PRIM2: variants seen among roughly 807,000 people sequenced by gnomAD.
PRIM2 encodes the protein DNA primase subunit 2, also known as DNA primase large subunit.
In PRIM2, 39 loss-of-function variants were observed where a neutral mutation model predicts 67.3. That is an observed-to-expected ratio of 0.58 (90% CI 0.45 to 0.76). PRIM2 has a LOEUF of 0.76. PRIM2 is among the 30% of genes least tolerant of loss of function. The probability of loss-of-function intolerance (pLI) is 0.00; values close to 1 mark genes in which losing one functional copy is unlikely to be tolerated. For synonymous variants in PRIM2, 143 were observed against 198.7 expected, an observed-to-expected ratio of 0.72 and a Z score of 2.36; for missense variants, 398 against 598.7, an observed-to-expected ratio of 0.66 and a Z score of 3.50.
chr6:57,593,364 G>A (rs1179536180), intron 10 of PRIM2, among the ~76,000 whole-genome samples: 12 of 151,530 alleles, frequency 7.9e-5, no homozygotes, highest in East Asian at 3.9e-4. Context: ...GTGCAATGGC[G>A]CAATCTTGGC....
chr6:57,623,401 A>C (rs1281955913), intron 12 of PRIM2, among the ~76,000 whole-genome samples: 1 of 152,176 alleles, frequency 6.6e-6, no homozygotes, highest in Non-Finnish European at 1.5e-5. Context: ...TTGTTAGCTA[A>C]GCCTATTAAT....
At chr6:57,279,694 G>A in the PRIM2 span, among the ~76,000 whole-genome samples, 1 of 152,166 alleles carries the variant, frequency 6.6e-6, no homozygotes, top group African/African-American at 2.4e-5. Context: ...CTATGTGCTA[G>A]CACTGTGCCA....
the PRIM2 span, among the ~76,000 whole-genome samples, chr6:57,285,218 C>G: frequency 3.3e-5 from 5 of 152,290 alleles, no homozygotes; most frequent in Non-Finnish European, 7.4e-5. Context: ...GGTACCATTC[C>G]TTCTGAAACT....
chr6:57,472,600 T>C (rs1374536429), intron 7 of PRIM2, among the ~76,000 whole-genome samples: 1 of 152,182 alleles, frequency 6.6e-6, no homozygotes, highest in African/African-American at 2.4e-5. Context: ...TTTAAATTTT[T>C]CTTGATTTGT....
chr6:57,364,253 A>G (rs1769283407), intron 5 of PRIM2, among the ~76,000 whole-genome samples: 1 of 152,092 alleles, frequency 6.6e-6, no homozygotes, highest in Non-Finnish European at 1.5e-5. Flanking sequence ...TCTTTCACCC[A>G]TGTTGCCTTA....
At chr6:57,348,317 C>T (rs1185911591) in intron 5 of PRIM2, among the ~76,000 whole-genome samples, 2 of 152,018 alleles carry the variant, frequency 1.3e-5, no homozygotes, top group Admixed American at 6.6e-5. Context: ...ATTCAAAGAT[C>T]AGTGTAAATC....
chr6:57,420,751 G>A (rs1771436229), intron 7 of PRIM2, among the ~76,000 whole-genome samples: 1 of 152,190 alleles, frequency 6.6e-6, no homozygotes, highest in Non-Finnish European at 1.5e-5. Context: ...TGAATTGGAG[G>A]AGGAAGGAAA....
chr6:57,619,729 A>G (rs1219851461), intron 12 of PRIM2, among the ~76,000 whole-genome samples: 1 of 152,210 alleles, frequency 6.6e-6, no homozygotes, highest in Non-Finnish European at 1.5e-5. Context: ...AGAAAAAAGA[A>G]TAAGAAAATA....
intron 1 of PRIM2, 148 bp downstream of exon 1, chr6:57,317,849 G>A (rs1767528570): frequency 6.5e-6 from 1 of 152,994 alleles, no homozygotes; most frequent in Non-Finnish European, 1.5e-5. Context: ...AGACACCCAG[G>A]TACCAGGGAG....
chr6:57,387,447 A>G (rs1162595348), intron 7 of PRIM2, among the ~76,000 whole-genome samples: 5 of 152,138 alleles, frequency 3.3e-5, no homozygotes, highest in Admixed American at 2.6e-4. Context: ...GGCCAAAGTA[A>G]TTTGTCTAAG....
the PRIM2 span, among the ~76,000 whole-genome samples, chr6:57,306,458 TG>T: frequency 6.6e-6 from 1 of 152,158 alleles, no homozygotes; most frequent in African/African-American, 2.4e-5. Flanking sequence ...AGAACTTAGG[TG>T]AGGGTGCTGA....
rs143005345 is a variant in PRIM2, at chr6:57,443,602, AT to A, written c.693+61442del. Among the ~76,000 whole-genome samples, 18 of 151,690 alleles carry A rather than the reference AT, an allele frequency of 1.2e-4. 1 individual carries two copies. The highest frequency in any genetic ancestry group is 4.1e-4 in the African/African-American group (17 of 41,344). The stretch of plus-strand genomic sequence containing the variant: ...GGTCCCTTGCCCATTTTTAAACTGG[AT>A]TTTTTTTGGTTTGTTTTCTTGCTAT... On this transcript the variant is annotated intron_variant, in intron 7 of 13. Transcript: ENST00000615550.
chr6:57,390,933 C>T (rs985086155), intron 7 of PRIM2, among the ~76,000 whole-genome samples: 8 of 152,138 alleles, frequency 5.3e-5, no homozygotes, highest in African/African-American at 1.4e-4. Flanking sequence ...AATGATAGTT[C>T]TGCTTTTAGC....
intron 7 of PRIM2, among the ~76,000 whole-genome samples, chr6:57,405,647 G>A (rs1388102891): frequency 1.5e-5 from 2 of 136,388 alleles, no homozygotes; most frequent in Non-Finnish European, 3.1e-5. Context: ...AGAAGTGTGT[G>A]GTTTAACTTT....
intron 10 of PRIM2, among the ~76,000 whole-genome samples, chr6:57,570,876 C>T (rs1775849644): frequency 6.6e-6 from 1 of 152,130 alleles, no homozygotes; most frequent in East Asian, 1.9e-4. Flanking sequence ...TCTTCATCTT[C>T]AGGTTGTAAA....
chr6:57,496,330 G>T (rs1476471853), intron 7 of PRIM2, among the ~76,000 whole-genome samples: 6 of 152,156 alleles, frequency 3.9e-5, no homozygotes, highest in Non-Finnish European at 8.8e-5. Flanking sequence ...CAGTGTAATG[G>T]GCAGGTTATA....
intron 3 of PRIM2, among the ~76,000 whole-genome samples, chr6:57,323,645 G>C (rs1249450375): frequency 1.3e-5 from 2 of 152,066 alleles, no homozygotes; most frequent in African/African-American, 4.8e-5. Flanking sequence ...GTCAAGGGGA[G>C]AGACAGCATT....
At chr6:57,476,134 C>T (rs1773472864) in intron 7 of PRIM2, among the ~76,000 whole-genome samples, 1 of 152,262 alleles carries the variant, frequency 6.6e-6, no homozygotes, top group Admixed American at 6.5e-5. Flanking sequence ...TCCCTACCCC[C>T]TCATGAACTT....
chr6:57,458,057 A>G (rs1333584225), intron 7 of PRIM2, among the ~76,000 whole-genome samples: 1 of 152,204 alleles, frequency 6.6e-6, no homozygotes, highest in Non-Finnish European at 1.5e-5. Context: ...CTTAGTTCAC[A>G]TTCCTGAGAG....
Sources: gnomAD v4.1 joint callset for allele counts (sites outside exome capture counted in the v4.1 genomes callset) on GRCh38, gnomAD v4.1.1 for gene constraint, MANE v1.5 for transcripts, NCBI Gene and HGNC (gene_info 2026-07-23, HGNC 2026-07-21) for gene names.